FRMD4B: variants seen among roughly 807,000 people sequenced by gnomAD.
FRMD4B encodes FERM domain containing 4B, also known as FERM domain-containing protein 4B.
A neutral mutation model predicts 141.5 loss-of-function variants in FRMD4B; 74 were observed. The ratio of observed to expected loss-of-function variants is 0.52; its 90% CI spans 0.43 to 0.63. FRMD4B has a LOEUF of 0.63. FRMD4B is among the 30% of genes least tolerant of loss of function. FRMD4B has a pLI of 0.00. For synonymous variants in FRMD4B, 506 were observed against 467.9 expected (o/e 1.08, Z -1.05); for missense variants, 1,366 against 1,253.4 (o/e 1.09, Z -1.36).
intron 1 of FRMD4B, among the ~76,000 whole-genome samples, chr3:69,324,940 A>G (rs1292495342): frequency 6.6e-6 from 1 of 151,942 alleles, no homozygotes; most frequent in African/African-American, 2.4e-5. Flanking sequence ...ACAAAAAATT[A>G]GCCAGGCGTG....
intron 1 of FRMD4B, among the ~76,000 whole-genome samples, chr3:69,449,687 C>A (rs1705465108): frequency 6.6e-6 from 1 of 152,156 alleles, no homozygotes; most frequent in Admixed American, 6.5e-5. Context: ...TCTTCTGAAT[C>A]AGATTCTAAA....
chr3:69,476,334 T>C (rs1395637040), intron 1 of FRMD4B, among the ~76,000 whole-genome samples: 1 of 152,112 alleles, frequency 6.6e-6, no homozygotes, highest in Non-Finnish European at 1.5e-5. Context: ...TTTATGGTTT[T>C]AGGTCTAACG....
intron 11 of FRMD4B, among the ~76,000 whole-genome samples, chr3:69,212,374 AAAAAAAG>A (rs1559721491): frequency 1.9e-3 from 168 of 89,452 alleles, no homozygotes; most frequent in African/African-American, 2.4e-3. Flanking sequence ...AAAAAAAAAA[AAAAAAAG>A]AAAAAAAAAA....
intron 1 of FRMD4B, among the ~76,000 whole-genome samples, chr3:69,465,750 C>T (rs1452139807): frequency 6.6e-6 from 1 of 152,146 alleles, no homozygotes; most frequent in Non-Finnish European, 1.5e-5. Context: ...TATAGTGTTC[C>T]ATGGTGTATG....
chr3:69,256,791 C>G (rs1245740497), intron 5 of FRMD4B, among the ~76,000 whole-genome samples: 1 of 152,196 alleles, frequency 6.6e-6, no homozygotes, highest in East Asian at 1.9e-4. Flanking sequence ...GCCATAGCTA[C>G]TACATTTGCA....
rs1184041941 is a variant in FRMD4B, at chr3:69,196,413, A to T, written c.1093-17T>A. The T allele has an allele frequency of 6.3e-7, 1 of 1,583,856 alleles. No individual in the cohort carries two copies. The highest frequency in any genetic ancestry group is 8.6e-7 in the Non-Finnish European group (1 of 1,160,892). On this transcript the variant is annotated splice_polypyrimidine_tract_variant and intron_variant, in intron 13 of 22. Coordinates refer to ENST00000398540, the MANE Select transcript of FRMD4B (RefSeq NM_015123.3). ...AATTTTTGCCTAAGAGGCATACAAC[A>T]ATGAAACAGAATTAACTCAAACATA...
chr3:69,414,367 A>G (rs1288648124), intron 2 of FRMD4B, among the ~76,000 whole-genome samples: 1 of 152,236 alleles, frequency 6.6e-6, no homozygotes, highest in Non-Finnish European at 1.5e-5. Context: ...ACAGTTCTGC[A>G]CTAAAAGTAT....
intron 1 of FRMD4B, among the ~76,000 whole-genome samples, chr3:69,540,660 T>TACACACACACAC (rs1161119924): frequency 5.5e-4 from 31 of 56,844 alleles, no homozygotes; most frequent in African/African-American, 3.0e-3. Context: ...TATATATATA[T>TACACACACACAC]ACACACACAC....
chr3:69,245,623 A>G (rs2093419400), intron 7 of FRMD4B, among the ~76,000 whole-genome samples: 1 of 151,180 alleles, frequency 6.6e-6, no homozygotes, highest in Non-Finnish European at 1.5e-5. Context: ...CTGGGATTAC[A>G]GAAGTGAGCC....
chr3:69,492,821 G>A (rs1003334382), intron 1 of FRMD4B, among the ~76,000 whole-genome samples: 1 of 152,206 alleles, frequency 6.6e-6, no homozygotes, highest in African/African-American at 2.4e-5. Context: ...TTATTTGCAA[G>A]CTTTCTAAAT....
intron 1 of FRMD4B, among the ~76,000 whole-genome samples, chr3:69,438,994 T>A (rs1389171911): frequency 2.0e-5 from 3 of 152,210 alleles, no homozygotes; most frequent in African/African-American, 4.8e-5. Context: ...TCCAATTCTT[T>A]CTTCATCTTC....
intron 1 of FRMD4B, among the ~76,000 whole-genome samples, chr3:69,538,515 T>C (rs12633054): frequency 0.15 from 22,099 of 152,134 alleles, 1,738 homozygotes; most frequent in South Asian, 0.23. Context: ...AGAACTCTTA[T>C]AACATATGAT....
At chr3:69,437,403 C>G (rs1156395827) in intron 1 of FRMD4B, among the ~76,000 whole-genome samples, 1 of 149,522 alleles carries the variant, frequency 6.7e-6, no homozygotes, top group Non-Finnish European at 1.5e-5. Context: ...AAAATGGTAA[C>G]TCTTATGTTA....
At chr3:69,195,393 T>A in intron 14 of FRMD4B, 29 bp from the exon 15 acceptor site, 1 of 1,576,408 alleles carries the variant, frequency 6.3e-7, no homozygotes, top group East Asian at 2.2e-5. Flanking sequence ...GCAGGGAAGG[T>A]TTATACAAGG....
intron 7 of FRMD4B, among the ~76,000 whole-genome samples, chr3:69,230,184 G>A (rs1238532211): frequency 6.6e-6 from 1 of 151,936 alleles, no homozygotes; most frequent in African/African-American, 2.4e-5. Flanking sequence ...CACCAAGTTG[G>A]CCAGGCTGAT....
At chr3:69,293,323 T>A (rs1700931898) in intron 4 of FRMD4B, among the ~76,000 whole-genome samples, 2 of 151,976 alleles carry the variant, frequency 1.3e-5, no homozygotes. Context: ...GACATTAGTT[T>A]GAATCCTAGC....
At chr3:69,201,413 C>G (rs1024194605) in intron 11 of FRMD4B, among the ~76,000 whole-genome samples, 1 of 151,914 alleles carries the variant, frequency 6.6e-6, no homozygotes, top group Non-Finnish European at 1.5e-5. Context: ...ATCTTTAGGA[C>G]TCTTGGAATT....
intron 1 of FRMD4B, among the ~76,000 whole-genome samples, chr3:69,538,312 T>C (rs1415260143): frequency 6.6e-6 from 1 of 152,226 alleles, no homozygotes; most frequent in Non-Finnish European, 1.5e-5. Context: ...GAAAAAAATA[T>C]ATATTGTATA....
chr3:69,480,999 T>C (rs1310250388), intron 1 of FRMD4B, among the ~76,000 whole-genome samples: 1 of 152,182 alleles, frequency 6.6e-6, no homozygotes, highest in Non-Finnish European at 1.5e-5. Context: ...TCCGTGGGCT[T>C]AGGACCCTCC....
Sources: gnomAD v4.1 joint callset for allele counts (sites outside exome capture counted in the v4.1 genomes callset) on GRCh38, gnomAD v4.1.1 for gene constraint, MANE v1.5 for transcripts, NCBI Gene and HGNC (gene_info 2026-07-23, HGNC 2026-07-21) for gene names.